FRMD8: variants seen among roughly 807,000 people sequenced by gnomAD.
The protein encoded by FRMD8 is FERM domain-containing protein 8.
Under a neutral mutation model 54.2 loss-of-function variants are expected in FRMD8, and 37 were observed. That is an observed-to-expected ratio of 0.68 (90% CI 0.53 to 0.90). The LOEUF is 0.90. Ranked by LOEUF, FRMD8 falls within the 40% of genes least tolerant of loss-of-function variation. The pLI is 0.00. For synonymous variants in FRMD8, 246 were observed against 286.9 expected, an observed-to-expected ratio of 0.86 and a Z score of 1.44; for missense variants, 585 against 653.7, an observed-to-expected ratio of 0.89 and a Z score of 1.15.
chr11:65,398,362 T>A (rs571188338), intron 7 of FRMD8, among the ~76,000 whole-genome samples: 2 of 152,290 alleles, frequency 1.3e-5, no homozygotes, highest in East Asian at 3.9e-4. Context: ...CGACTTCGAG[T>A]GGGCATCTGG....
At chr11:65,376,209 C>CA in the FRMD8 span, 1 of 641,216 alleles carries the variant, frequency 1.6e-6, no homozygotes, top group East Asian at 2.8e-5. Flanking sequence ...GCCAGCTACA[C>CA]AGGGAGGCTG....
At chr11:65,392,795 G>T (rs1422542222) in intron 3 of FRMD8, among the ~76,000 whole-genome samples, 1 of 152,148 alleles carries the variant, frequency 6.6e-6, no homozygotes, top group East Asian at 1.9e-4. Flanking sequence ...CACCATTGGG[G>T]TGATGGAAAA....
At chr11:65,389,618 G>A in intron 3 of FRMD8, 90 bp downstream of exon 3, 3 of 1,349,480 alleles carry the variant, frequency 2.2e-6, no homozygotes, top group East Asian at 5.1e-5. Flanking sequence ...GAGCCGCTGG[G>A]GAGCCGCTGG....
At chr11:65,405,250 C>T (rs1856170842) in intron 10 of FRMD8, among the ~76,000 whole-genome samples, 182 bp downstream of exon 10, 1 of 152,252 alleles carries the variant, frequency 6.6e-6, no homozygotes, top group South Asian at 2.1e-4. Context: ...TTTCCTGTCC[C>T]TTCTCACTGC....
intron 10 of FRMD8, among the ~76,000 whole-genome samples, chr11:65,410,492 C>G (rs1301498697): frequency 1.3e-5 from 2 of 150,786 alleles, no homozygotes; most frequent in East Asian, 4.0e-4. Flanking sequence ...AAGACTCCAT[C>G]TCAAAACAAA....
the FRMD8 span, chr11:65,380,627 A>G: frequency 7.7e-7 from 1 of 1,291,376 alleles, no homozygotes; most frequent in Non-Finnish European, 1.0e-6. Flanking sequence ...GCAGAACTGC[A>G]GGGCCCTGAT....
chr11:65,369,705 C>T, the FRMD8 span, among the ~76,000 whole-genome samples: 9 of 150,380 alleles, frequency 6.0e-5, no homozygotes, highest in East Asian at 2.0e-4. Context: ...CCAGCCTGGG[C>T]GACGAGCAAA....
chr11:65,391,473 G>A (rs1052893953), intron 3 of FRMD8, among the ~76,000 whole-genome samples: 1 of 152,148 alleles, frequency 6.6e-6, no homozygotes, highest in Non-Finnish European at 1.5e-5. Flanking sequence ...GAATACAGGA[G>A]GGAAGACCCT....
At chr11:65,380,334 TGCCCCTGCCACCCCCTCCA>T in the FRMD8 span, 3 of 1,092,982 alleles carry the variant, frequency 2.7e-6, no homozygotes, top group South Asian at 3.0e-5. Flanking sequence ...AGACTCCAGC[TGCCCCTGCCACCCCCTCCA>T]CACAGGCACT....
At chr11:65,411,115 G>C in intron 10 of FRMD8, 127 bp from the exon 11 acceptor site, 1 of 678,106 alleles carries the variant, frequency 1.5e-6, no homozygotes, top group Non-Finnish European at 2.5e-6. Context: ...CTCGGATGAG[G>C]GGAGCTCAGT....
At chr11:65,401,933 T>C (rs1856093443) in intron 9 of FRMD8, among the ~76,000 whole-genome samples, 1 of 151,468 alleles carries the variant, frequency 6.6e-6, no homozygotes, top group African/African-American at 2.4e-5. Flanking sequence ...CTTGTAGAAG[T>C]TGTATAAATT....
the FRMD8 span, chr11:65,380,164 A>C: frequency 2.0e-5 from 33 of 1,614,054 alleles, no homozygotes; most frequent in Middle Eastern, 3.3e-4. Flanking sequence ...CCCAGGACCA[A>C]GCCCAGAGCG....
chr11:65,411,186 G>GC, intron 10 of FRMD8, 56 bp from the exon 11 acceptor site: 2 of 1,425,610 alleles, frequency 1.4e-6, no homozygotes, highest in South Asian at 2.7e-5. Flanking sequence ...CTGGGCCTGA[G>GC]CCCCCTCACA....
At chr11:65,374,243 C>A in the FRMD8 span, among the ~76,000 whole-genome samples, 2 of 142,750 alleles carry the variant, frequency 1.4e-5, no homozygotes, top group African/African-American at 5.0e-5. Context: ...GTAGTATGGT[C>A]CCGGCAGGTC....
chr11:65,370,558 G>A, the FRMD8 span, among the ~76,000 whole-genome samples: 4 of 151,896 alleles, frequency 2.6e-5, no homozygotes, highest in African/African-American at 7.3e-5. Context: ...AAAATTAGCC[G>A]GGTGTGATGG....
intron 3 of FRMD8, among the ~76,000 whole-genome samples, chr11:65,390,015 A>G (rs1855813034): frequency 6.6e-6 from 1 of 152,062 alleles, no homozygotes. Flanking sequence ...GCCTCTTTGA[A>G]CTGTTCCTGT....
chr11:65,395,686 CCTTT>C (rs1159965711), intron 6 of FRMD8, among the ~76,000 whole-genome samples: 1 of 152,174 alleles, frequency 6.6e-6, no homozygotes. Flanking sequence ...GGGGAGATGC[CCTTT>C]CTTTTGTGAG....
chr11:65,384,918 C>G (rs189539781), upstream of FRMD8, among the ~76,000 whole-genome samples: 3 of 152,216 alleles, frequency 2.0e-5, no homozygotes, highest in Admixed American at 2.0e-4. Flanking sequence ...ACTATGTTCC[C>G]CAGGCTGGTC....
the FRMD8 span, among the ~76,000 whole-genome samples, chr11:65,372,529 A>G: frequency 6.6e-6 from 1 of 152,194 alleles, no homozygotes; most frequent in Non-Finnish European, 1.5e-5. Context: ...TCCTCTAGAT[A>G]GAACCAGAGA....
Sources: allele counts gnomAD v4.1 joint callset (sites outside exome capture counted in the v4.1 genomes callset), GRCh38; gene constraint gnomAD v4.1.1; transcripts MANE v1.5; gene names NCBI Gene and HGNC (gene_info 2026-07-23, HGNC 2026-07-21).